Variants in MGAT5 observed in about 807,000 individuals in gnomAD.
The protein encoded by MGAT5 is alpha-1,6-mannosylglycoprotein 6-beta-N-acetylglucosaminyltransferase A.
MGAT5 carries 30 observed loss-of-function variants against 94.3 expected under a neutral mutation model. The ratio of observed to expected loss-of-function variants is 0.32; its 90% CI spans 0.24 to 0.43. The LOEUF (loss-of-function observed/expected upper bound fraction) is 0.43, where lower values mean the gene tolerates loss of function less well. MGAT5 is among the 20% of genes least tolerant of loss of function. The pLI is 1.00. For missense variants in MGAT5, 691 were observed against 905.5 expected (o/e 0.76, Z 3.04); for synonymous variants, 310 against 322.9 (o/e 0.96, Z 0.43).
rs59933611 is a variant in MGAT5, at chr2:134,334,496, CTTTTTTTT to C, written c.574-1705_574-1698del. 1.8e-4 allele frequency among the ~76,000 whole-genome samples: 6 copies of C among 34,118 alleles called. No individual in the cohort carries two copies. In the Admixed American group the frequency reaches 2.2e-3, roughly 13 times the overall value. 22.4% of individuals were successfully genotyped at this position (34,118 alleles called of 152,430 possible). A position where few individuals can be genotyped will look rare whatever the true frequency, so the allele number is the denominator to read the frequency against. ...CAAATCTCTACTTTCCTTGCTCATC[CTTTTTTTT>C]TTTTTTTTTTTTTTTGCAGGGTTGG... is the stretch of plus-strand genomic sequence containing the variant. On this transcript the variant is annotated intron_variant, in intron 4 of 15. Coordinates refer to ENST00000281923, the MANE Select transcript of MGAT5 (RefSeq NM_002410.5).
chr2:134,433,385 G>T (rs986211775), intron 14 of MGAT5, among the ~76,000 whole-genome samples: 1 of 152,172 alleles, frequency 6.6e-6, no homozygotes, highest in African/African-American at 2.4e-5. Context: ...ACCTGTTTTC[G>T]TTTCTCCTGC....
At chr2:134,276,479 G>A (rs1684385104) in intron 2 of MGAT5, among the ~76,000 whole-genome samples, 1 of 152,258 alleles carries the variant, frequency 6.6e-6, no homozygotes, top group African/African-American at 2.4e-5. Flanking sequence ...TAATTATCAA[G>A]ATATGAGAGA....
chr2:134,135,249 G>A (rs1488320836), intron 1 of MGAT5, among the ~76,000 whole-genome samples: 1 of 152,230 alleles, frequency 6.6e-6, no homozygotes, highest in Non-Finnish European at 1.5e-5. Flanking sequence ...AGATAGTAAA[G>A]AGAGTGTTAT....
chr2:134,127,888 T>C (rs1459214729), intron 1 of MGAT5, among the ~76,000 whole-genome samples: 1 of 152,180 alleles, frequency 6.6e-6, no homozygotes, highest in Non-Finnish European at 1.5e-5. Flanking sequence ...GTGTTCCTGA[T>C]TTTGAGGTTC....
rs962631877 is a variant in MGAT5, at chr2:134,254,774, A to G, written c.241+130A>G. On this transcript the variant is annotated intron_variant, in intron 1 of 15. Transcript: ENST00000281923. The stretch of plus-strand genomic sequence containing the variant: ...ACTGCCTTCATAAGCAGTGAATTGC[A>G]CACAGAGAGGCATCTTTAGGAAATT... 4 of 1,281,230 alleles carry G rather than the reference A, an allele frequency of 3.1e-6. No homozygotes were observed. In the African/African-American group the frequency reaches 4.5e-5, roughly 14 times the overall value. The allele number at this position is 1,281,230 out of a possible 1,614,324, so 79.4% of individuals were successfully genotyped here. A position where few individuals can be genotyped will look rare whatever the true frequency, so the allele number is the denominator to read the frequency against.
chr2:134,169,407 C>CAT (rs1688097340), intron 1 of MGAT5, among the ~76,000 whole-genome samples: 1 of 123,120 alleles, frequency 8.1e-6, no homozygotes, highest in Non-Finnish European at 1.8e-5. Context: ...CACACACACA[C>CAT]ACACAGACAC....
chr2:134,237,141 G>A (rs1164030145), intron 1 of MGAT5, among the ~76,000 whole-genome samples: 7 of 137,678 alleles, frequency 5.1e-5, no homozygotes, highest in African/African-American at 1.8e-4. Flanking sequence ...GTGTGTGTGT[G>A]TGTGTGTGCG....
chr2:134,282,468 A>G (rs1684752149), intron 2 of MGAT5, among the ~76,000 whole-genome samples: 1 of 152,236 alleles, frequency 6.6e-6, no homozygotes, highest in African/African-American at 2.4e-5. Context: ...TCTGTAGTAC[A>G]AGGAGGGATG....
chr2:134,414,995 A>C (rs766211877), intron 12 of MGAT5, among the ~76,000 whole-genome samples: 4 of 152,104 alleles, frequency 2.6e-5, no homozygotes, highest in Non-Finnish European at 5.9e-5. Context: ...ATATACACAT[A>C]ATTTGTTTAT....
chr2:134,158,744 T>G (rs1325227705), intron 1 of MGAT5, among the ~76,000 whole-genome samples: 1 of 152,188 alleles, frequency 6.6e-6, no homozygotes, highest in Non-Finnish European at 1.5e-5. Context: ...CAGCGGCTGC[T>G]CCATATGGGC....
intron 9 of MGAT5, among the ~76,000 whole-genome samples, chr2:134,357,248 A>G (rs2106088507): frequency 6.6e-6 from 1 of 152,320 alleles, no homozygotes; most frequent in Middle Eastern, 3.4e-3. Context: ...CAGTGGCCTC[A>G]TCTTACTTTC....
At chr2:134,314,628 G>A (rs1404585812) in intron 2 of MGAT5, among the ~76,000 whole-genome samples, 1 of 152,164 alleles carries the variant, frequency 6.6e-6, no homozygotes, top group Admixed American at 6.5e-5. Flanking sequence ...GAGGAGGACA[G>A]GATTCCTAAC....
chr2:134,348,641 C>T (rs1051859504), intron 8 of MGAT5, among the ~76,000 whole-genome samples: 1 of 151,250 alleles, frequency 6.6e-6, no homozygotes, highest in Non-Finnish European at 1.5e-5. Context: ...TCATTGCCAT[C>T]ATCTGATTCT....
At position 134,220,452 on chromosome 2, in the gene MGAT5, G is replaced by C. The variant is rs184634100; in HGVS notation, c.-142-33810G>C. On this transcript the variant is annotated intron_variant, in intron 1 of 16. Coordinates refer to the MGAT5 transcript ENST00000409645. ...AGGATGGCCCAATAATAGTTGTTGGGGTTGGTGGGGGGATGTCTCCCGCCA... is the reference window on the plus strand; with the variant it reads ...AGGATGGCCCAATAATAGTTGTTGGCGTTGGTGGGGGGATGTCTCCCGCCA... Among the ~76,000 whole-genome samples the C allele has an allele frequency of 2.9e-3, 445 of 152,274 alleles. 1 individual carries two copies. Among genetic ancestry groups the C allele is most frequent in the African/African-American group, 9.7e-3 (402 of 41,546 alleles).
At chr2:134,253,657 C>A (rs1342524935), upstream of MGAT5, among the ~76,000 whole-genome samples, 1 of 152,188 alleles carries the variant, frequency 6.6e-6, no homozygotes, top group Non-Finnish European at 1.5e-5. Context: ...GTACCTCTGG[C>A]ATATCTTCTC....
chr2:134,425,146 G>T (rs1223038188), intron 13 of MGAT5, among the ~76,000 whole-genome samples: 1 of 152,068 alleles, frequency 6.6e-6, no homozygotes, highest in Non-Finnish European at 1.5e-5. Flanking sequence ...TCAAACTGCT[G>T]AAAAGCAAAG....
intron 6 of MGAT5, among the ~76,000 whole-genome samples, chr2:134,340,318 C>T (rs370244261): frequency 5.3e-5 from 8 of 152,070 alleles, no homozygotes; most frequent in African/African-American, 1.9e-4. Context: ...CCTGTTGAGC[C>T]TACAACAGTC....
intron 1 of MGAT5, among the ~76,000 whole-genome samples, chr2:134,139,277 A>G (rs1686558668): frequency 1.3e-5 from 2 of 152,262 alleles, no homozygotes; most frequent in South Asian, 4.1e-4. Flanking sequence ...TCTCATATCC[A>G]GGGCAAACAT....
chr2:134,229,388 T>A (rs1681231723), intron 1 of MGAT5, among the ~76,000 whole-genome samples: 2 of 152,242 alleles, frequency 1.3e-5, no homozygotes, highest in Admixed American at 1.3e-4. Context: ...AGATCGGCAT[T>A]CCTGATTGCC....
Sources: gnomAD v4.1 joint callset for allele counts (sites outside exome capture counted in the v4.1 genomes callset) on GRCh38, gnomAD v4.1.1 for gene constraint, MANE v1.5 for transcripts, NCBI Gene and HGNC (gene_info 2026-07-23, HGNC 2026-07-21) for gene names.